The following SLC16A7 variants were observed in gnomAD, a reference collection of about 807,000 sequenced individuals.
The protein encoded by SLC16A7 is monocarboxylate transporter 2.
In SLC16A7, 33 loss-of-function variants were observed where a neutral mutation model predicts 34.9. The observed-to-expected ratio is 0.94, with a 90% CI of 0.72 to 1.26. SLC16A7 has a LOEUF of 1.26. Among genes scored for constraint, SLC16A7 ranks in the 50% most tolerant of loss-of-function variants. The pLI, the probability that SLC16A7 is intolerant of heterozygous loss-of-function variation, is 0.00. For missense variants in SLC16A7, 573 were observed against 578.1 expected (o/e 0.99, Z 0.09); for synonymous variants, 201 against 206.6 (o/e 0.97, Z 0.23).
In SLC16A7 at chr12:59,704,820, G is replaced by GCCCC. The variant is rs1839998605; in HGVS notation, c.20_23dup (p.Val10ThrfsTer49). On this transcript the variant is annotated frameshift_variant, in exon 3 of 6. Transcript: ENST00000547379. LOFTEE classifies it high-confidence loss of function. ...AGCAGAAATGCCACCAATGCCAAGTGCCCCACCTGTGCATCCACCTCCAGA... is the reference window on the plus strand; with the variant it reads ...AGCAGAAATGCCACCAATGCCAAGTGCCCCCCCCACCTGTGCATCCACCTCCAGA... The GCCCC allele has an allele frequency of 6.2e-7, 1 of 1,613,318 alleles. No homozygotes were observed. Among genetic ancestry groups the GCCCC allele is most frequent in the African/African-American group, 1.3e-5 (1 of 74,882 alleles).
intron 1 of SLC16A7, among the ~76,000 whole-genome samples, chr12:59,645,209 AT>A (rs1242539640): frequency 6.6e-6 from 1 of 152,152 alleles, no homozygotes; most frequent in Admixed American, 6.5e-5. Flanking sequence ...AGAAAGTTAA[AT>A]TAGTTCAGTT....
chr12:59,734,071 G>A (rs556726926), intron 3 of SLC16A7: 130 of 263,884 alleles, frequency 4.9e-4, no homozygotes, highest in African/African-American at 2.9e-3. Context: ...CTGACAGTCT[G>A]ACCCCCAGGC....
chr12:59,745,248 C>T (rs1166645389), intron 3 of SLC16A7, among the ~76,000 whole-genome samples: 2 of 152,168 alleles, frequency 1.3e-5, no homozygotes, highest in East Asian at 3.9e-4. Context: ...AAAGCCCTAA[C>T]CAAGTCTATT....
chr12:59,712,776 T>G (rs967106984), intron 3 of SLC16A7, among the ~76,000 whole-genome samples: 1 of 152,142 alleles, frequency 6.6e-6, no homozygotes, highest in Non-Finnish European at 1.5e-5. Flanking sequence ...ACTGGAGCAA[T>G]CAGTTTTGTC....
chr12:59,742,978 A>G (rs917660723), intron 3 of SLC16A7, among the ~76,000 whole-genome samples: 1 of 152,230 alleles, frequency 6.6e-6, no homozygotes, highest in African/African-American at 2.4e-5. Context: ...AATTGTCAAA[A>G]AAAGTAGATG....
intron 3 of SLC16A7, among the ~76,000 whole-genome samples, chr12:59,728,347 G>T (rs1876534743): frequency 6.6e-6 from 1 of 152,184 alleles, no homozygotes; most frequent in South Asian, 2.1e-4. Flanking sequence ...GCTACACACT[G>T]GAGTGAGGCC....
At position 59,687,965 on chromosome 12, in the gene SLC16A7, C is replaced by T. The variant is rs191163397; in HGVS notation, c.-30-16807C>T. ...TGAGTAGGGGACAAATAAGTATTAACAAAAATAAAATCTACCAATTCAATT... is the reference window on the plus strand; with the variant it reads ...TGAGTAGGGGACAAATAAGTATTAATAAAAATAAAATCTACCAATTCAATT... On this transcript the variant is annotated intron_variant, in intron 2 of 5. Coordinates refer to ENST00000547379, the MANE Select transcript of SLC16A7 (RefSeq NM_001270623.2). 2.0e-3 allele frequency among the ~76,000 whole-genome samples: 308 copies of T among 152,090 alleles called. 3 individuals are homozygous for T. Among genetic ancestry groups the T allele is most frequent in the Admixed American group, 3.5e-3 (53 of 15,254 alleles).
intron 1 of SLC16A7, among the ~76,000 whole-genome samples, chr12:59,621,343 G>C (rs1043657306): frequency 5.9e-5 from 9 of 152,030 alleles, no homozygotes; most frequent in African/African-American, 2.2e-4. Context: ...ACTGTAAAGT[G>C]ATCATGGCTG....
chr12:59,610,899 A>G (rs1879163630), intron 1 of SLC16A7, among the ~76,000 whole-genome samples: 1 of 152,226 alleles, frequency 6.6e-6, no homozygotes, highest in African/African-American at 2.4e-5. Context: ...ACAAAGTACC[A>G]TAGACTGAGT....
intron 2 of SLC16A7, among the ~76,000 whole-genome samples, chr12:59,668,779 C>T (rs1162291999): frequency 7.2e-5 from 11 of 152,118 alleles, no homozygotes; most frequent in Non-Finnish European, 1.5e-5. Context: ...CTTTGGTCCC[C>T]ATTCAAATCT....
intron 1 of SLC16A7, among the ~76,000 whole-genome samples, chr12:59,638,094 G>A (rs1880516466): frequency 6.6e-6 from 1 of 152,094 alleles, no homozygotes; most frequent in South Asian, 2.1e-4. Context: ...CATTTTGTAA[G>A]CTGTCTATTC....
In SLC16A7 at chr12:59,780,749, G is replaced by A. The variant is rs1243875318; in HGVS notation, c.*1070G>A. The A allele has an allele frequency of 6.6e-6, 1 of 152,106 alleles. No homozygotes were observed. Among genetic ancestry groups the A allele is most frequent in the African/African-American group, 2.4e-5 (1 of 41,428 alleles). 9.4% of individuals were successfully genotyped at this position (152,106 alleles called of 1,614,324 possible). ...TTCCCAACACATAGTGGTAATTGGA[G>A]GTTACTGTTATGAATACTCCATCTG... On this transcript the variant is annotated 3_prime_UTR_variant, in exon 6 of 6. Coordinates refer to ENST00000547379, the MANE Select transcript of SLC16A7 (RefSeq NM_001270623.2).
At chr12:59,610,503 A>C (rs1352586145) in intron 1 of SLC16A7, among the ~76,000 whole-genome samples, 2 of 152,198 alleles carry the variant, frequency 1.3e-5, no homozygotes, top group Admixed American at 1.3e-4. Flanking sequence ...GCTTGATTAT[A>C]CCTTATTAAA....
At chr12:59,754,887 C>G (rs1368692044) in intron 3 of SLC16A7, among the ~76,000 whole-genome samples, 1 of 152,184 alleles carries the variant, frequency 6.6e-6, no homozygotes, top group Admixed American at 6.5e-5. Context: ...AATCCACCAG[C>G]ACATCAAAAA....
At chr12:59,695,730 T>G (rs1872211488) in intron 2 of SLC16A7, among the ~76,000 whole-genome samples, 1 of 152,084 alleles carries the variant, frequency 6.6e-6, no homozygotes, top group Admixed American at 6.6e-5. Flanking sequence ...TGACATTTTC[T>G]TAGTTTTGAT....
intron 3 of SLC16A7, among the ~76,000 whole-genome samples, chr12:59,756,003 G>A (rs1334063699): frequency 1.3e-5 from 2 of 152,126 alleles, no homozygotes; most frequent in African/African-American, 4.8e-5. Context: ...ACAAGCAATG[G>A]GGAAAGGATT....
At chr12:59,706,740 C>T (rs1010070007) in intron 3 of SLC16A7, among the ~76,000 whole-genome samples, 6 of 152,050 alleles carry the variant, frequency 3.9e-5, no homozygotes, top group South Asian at 2.1e-4. Context: ...AGCTCCAAAA[C>T]GTGCTAATAT....
chr12:59,726,546 G>C (rs1876258523), intron 3 of SLC16A7, among the ~76,000 whole-genome samples: 2 of 152,058 alleles, frequency 1.3e-5, no homozygotes, highest in Non-Finnish European at 2.9e-5. Flanking sequence ...CTTGGATATT[G>C]AATTATGTGG....
intron 3 of SLC16A7, among the ~76,000 whole-genome samples, chr12:59,755,058 C>T (rs1029448324): frequency 2.6e-5 from 4 of 152,160 alleles, no homozygotes; most frequent in South Asian, 4.1e-4. Context: ...AATTCAACAA[C>T]ACTTCATGCT....
Sources: gnomAD v4.1 joint callset for allele counts (sites outside exome capture counted in the v4.1 genomes callset) on GRCh38, gnomAD v4.1.1 for gene constraint, MANE v1.5 for transcripts, NCBI Gene and HGNC (gene_info 2026-07-23, HGNC 2026-07-21) for gene names.